PDIK1L: variants seen among roughly 807,000 people sequenced by gnomAD.
The protein encoded by PDIK1L is serine/threonine-protein kinase PDIK1L.
In PDIK1L, 9 loss-of-function variants were observed where a neutral mutation model predicts 27.1. The observed-to-expected ratio is 0.33, with a 90% confidence interval of 0.20 to 0.58. The LOEUF (loss-of-function observed/expected upper bound fraction) is 0.58, where lower values mean the gene tolerates loss of function less well. Ranked by LOEUF, PDIK1L falls within the 20% of genes least tolerant of loss-of-function variation. PDIK1L has a pLI of 0.86. For missense variants in PDIK1L, 216 were observed against 413.2 expected (o/e 0.52, Z 4.14); for synonymous variants, 130 against 141.7 (o/e 0.92, Z 0.59).
At chr1:26,113,496 T>A (rs577246958) in intron 1 of PDIK1L, among the ~76,000 whole-genome samples, 16 of 114,590 alleles carry the variant, frequency 1.4e-4, no homozygotes, top group African/African-American at 5.0e-4. Flanking sequence ...CGAGACTCCG[T>A]CTAAAAAAAA....
chr1:26,119,603 C>G (rs975791591), intron 2 of PDIK1L, among the ~76,000 whole-genome samples: 1 of 152,186 alleles, frequency 6.6e-6, no homozygotes, highest in Non-Finnish European at 1.5e-5. Context: ...TGGCTCACAC[C>G]TGTAATCCCA....
rs775101169 is a variant in PDIK1L at position 26,114,270 on chromosome 1, A to C, written c.-17-22A>C. The C allele has an allele frequency of 6.3e-7, 1 of 1,583,078 alleles. No individual in the cohort carries two copies. Among genetic ancestry groups the C allele is most frequent in the Non-Finnish European group, 8.6e-7 (1 of 1,160,946 alleles). ...CAGTAGGTATACATAATTTCAACAG[A>C]GCACTTTGTTGATTTTTCCAGAAAC... On this transcript the variant is annotated intron_variant, in intron 1 of 2. Coordinates refer to ENST00000374269, the MANE Select transcript of PDIK1L (RefSeq NM_152835.5). The surrounding 1 kb of genome is among the most constrained non-coding windows in gnomAD (Gnocchi z 4.8).
At chr1:26,113,691 C>T (rs114521314) in intron 1 of PDIK1L, among the ~76,000 whole-genome samples, 2,391 of 152,178 alleles carry the variant, frequency 0.016, 68 homozygotes, top group African/African-American at 0.055. Context: ...AGGCCTTAAG[C>T]ATAAGCCAGG....
rs563914993 is a variant in PDIK1L, at chr1:26,114,333, G to T, written c.25G>T (p.Asp9Tyr). The T allele has an allele frequency of 1.9e-6, 3 of 1,612,524 alleles. No homozygotes were observed. In the Admixed American group the frequency reaches 5.0e-5, roughly 27 times the overall value. The change falls in exon 2 of 3, where the codon GAT becomes TAT. Residue 9 changes from aspartate to tyrosine, a missense_variant. Coordinates refer to ENST00000374269, the MANE Select transcript of PDIK1L (RefSeq NM_152835.5). This position sits in a 1 kb window ranked among gnomAD's most constrained non-coding sequence, Gnocchi z 4.8. MVSSQPKY[D>Y]LIREVGRGSY... ...GATGGTGAGTAGCCAGCCAAAGTAC[G>T]ATCTAATACGGGAGGTAGGCCGAGG...
intron 2 of PDIK1L, among the ~76,000 whole-genome samples, chr1:26,119,400 C>G (rs1472657455): frequency 6.7e-6 from 1 of 149,106 alleles, no homozygotes; most frequent in Non-Finnish European, 1.5e-5. Context: ...AGAGCAAGAC[C>G]TTGTCTCTCT....
At position 26,122,677 on chromosome 1, in the gene PDIK1L, C is replaced by T; in HGVS notation, c.*100C>T. 3.0e-6 allele frequency: 4 copies of T among 1,342,300 alleles called. No homozygotes were observed. Among genetic ancestry groups the T allele is most frequent in the Non-Finnish European group, 2.9e-6 (3 of 1,020,276 alleles). The allele number at this position is 1,342,300 out of a possible 1,614,324, so 83.1% of individuals were successfully genotyped here. On this transcript the variant is annotated 3_prime_UTR_variant, in exon 3 of 3. Transcript: ENST00000374269. The surrounding 1 kb of genome is among the most constrained non-coding windows in gnomAD (Gnocchi z 5.4). ...AAGAATATAAAAAGCTAGACTCTAC[C>T]CTCTAAGGGTTTAGATTTTTTGTGG...
upstream of PDIK1L, chr1:26,111,746 C>A (rs1182831966): frequency 6.6e-6 from 1 of 151,498 alleles, no homozygotes; most frequent in Non-Finnish European, 1.5e-5. This position sits in a 1 kb window ranked among gnomAD's most constrained non-coding sequence, Gnocchi z 4.0. Flanking sequence ...GCTCGCGCTA[C>A]GGAAAGCCGG....
chr1:26,116,909 T>G (rs924610750), intron 2 of PDIK1L, among the ~76,000 whole-genome samples: 1 of 151,962 alleles, frequency 6.6e-6, no homozygotes, highest in Non-Finnish European at 1.5e-5. Context: ...AGAGATGAGA[T>G]TTCACCATGT....
chr1:26,118,874 G>T (rs987744461), intron 2 of PDIK1L, among the ~76,000 whole-genome samples: 1 of 152,156 alleles, frequency 6.6e-6, no homozygotes, highest in East Asian at 1.9e-4. Flanking sequence ...TCTCCATACG[G>T]ATTTTAATTT....
Position 26,121,979 on chromosome 1 carries a change from G to C in PDIK1L, c.428G>C (p.Ser143Thr), listed in dbSNP as rs771528084. The C allele has an allele frequency of 3.7e-6, 6 of 1,614,080 alleles. No individual in the cohort carries two copies. Among genetic ancestry groups the C allele is most frequent in the South Asian group, 1.1e-5 (1 of 91,078 alleles). The change falls in exon 3 of 3, where the codon AGC becomes ACC. Residue 143 changes from serine to threonine, a missense_variant. By Grantham distance (58) the Ser-to-Thr change is moderately conservative. Coordinates refer to ENST00000374269, the MANE Select transcript of PDIK1L (RefSeq NM_152835.5). ...AAACCCAATCGTAAAACTAACACCA[G>C]CTTCATGCTTCAGCTGAGCAGTGCC... ...SRKPNRKTNT[S>T]FMLQLSSALA... is the part of the protein sequence containing the mutation.
chr1:26,117,980 A>G (rs1429092527), intron 2 of PDIK1L, among the ~76,000 whole-genome samples: 1 of 151,244 alleles, frequency 6.6e-6, no homozygotes, highest in African/African-American at 2.4e-5. Flanking sequence ...GGATCACTTG[A>G]GCCTTGGAGG....
At chr1:26,120,127 G>C (rs116220552) in intron 2 of PDIK1L, among the ~76,000 whole-genome samples, 1 of 152,184 alleles carries the variant, frequency 6.6e-6, no homozygotes, top group Non-Finnish European at 1.5e-5. Context: ...GTATGGTTTC[G>C]ATGCTAAAAA....
chr1:26,115,465 T>G (rs2087860780), intron 2 of PDIK1L, among the ~76,000 whole-genome samples: 3 of 152,242 alleles, frequency 2.0e-5, no homozygotes, highest in Admixed American at 2.0e-4. Flanking sequence ...GAAAATATAT[T>G]AAGACATAGC....
chr1:26,116,573 A>G (rs944827365), intron 2 of PDIK1L, among the ~76,000 whole-genome samples: 35 of 152,354 alleles, frequency 2.3e-4, no homozygotes, highest in Middle Eastern at 3.4e-3. Context: ...TGGACTAGGA[A>G]CAACAAAGAA....
At chr1:26,117,827 G>A (rs2087905604) in intron 2 of PDIK1L, among the ~76,000 whole-genome samples, 1 of 152,124 alleles carries the variant, frequency 6.6e-6, no homozygotes, top group Admixed American at 6.6e-5. Flanking sequence ...GGAGGCTGAG[G>A]CAGGCAGATC....
chr1:26,121,721 T>G, intron 2 of PDIK1L, 116 bp from the exon 3 acceptor site: 1 of 1,084,076 alleles, frequency 9.2e-7, no homozygotes, highest in Admixed American at 2.8e-5. Context: ...AATAAAATAT[T>G]TATAGAGTTT....
At chr1:26,119,050 A>G (rs1018892243) in intron 2 of PDIK1L, among the ~76,000 whole-genome samples, 1 of 152,232 alleles carries the variant, frequency 6.6e-6, no homozygotes, top group African/African-American at 2.4e-5. Context: ...TGTGATAAAT[A>G]TCATGAATGA....
At chr1:26,111,759 G>C (rs1361134382), upstream of PDIK1L, 1 of 151,810 alleles carries the variant, frequency 6.6e-6, no homozygotes, top group African/African-American at 2.4e-5. The surrounding 1 kb of genome is among the most constrained non-coding windows in gnomAD (Gnocchi z 4.0). Context: ...AAAGCCGGAG[G>C]GGGGCGGGGC....
At chr1:26,112,056 A>AC (rs2087805906) in intron 1 of PDIK1L, 141 bp downstream of exon 1, 1 of 151,828 alleles carries the variant, frequency 6.6e-6, no homozygotes, top group African/African-American at 2.4e-5. Flanking sequence ...CAGGCCACCG[A>AC]CCCCAGTCGC....
Sources: allele counts gnomAD v4.1 joint callset (sites outside exome capture counted in the v4.1 genomes callset), GRCh38; gene constraint gnomAD v4.1.1; non-coding constraint Gnocchi (gnomAD v3.1); transcripts MANE v1.5; gene names NCBI Gene and HGNC (gene_info 2026-07-23, HGNC 2026-07-21).